The following KCNH5 variants were observed in gnomAD, a reference collection of about 807,000 sequenced individuals.
KCNH5 encodes potassium voltage-gated channel subfamily H member 5.
Under a neutral mutation model 96.1 loss-of-function variants are expected in KCNH5, and 46 were observed. That is an observed-to-expected ratio of 0.48 (90% CI 0.38 to 0.61). The LOEUF (loss-of-function observed/expected upper bound fraction) is 0.61, where lower values mean the gene tolerates loss of function less well. Ranked by LOEUF, KCNH5 falls within the 20% of genes least tolerant of loss-of-function variation. KCNH5 has a pLI of 0.00. For missense variants in KCNH5, 907 were observed against 1,225.8 expected (o/e 0.74, Z 3.88); for synonymous variants, 439 against 449.8 (o/e 0.98, Z 0.30).
At chr14:62,826,739 A>G (rs995749492) in intron 8 of KCNH5, among the ~76,000 whole-genome samples, 8 of 151,812 alleles carry the variant, frequency 5.3e-5, no homozygotes, top group African/African-American at 1.9e-4. Context: ...TTTTCCTTCT[A>G]GTATTCATGT....
At chr14:62,799,728 C>CACACACAG (rs1886618444) in intron 9 of KCNH5, among the ~76,000 whole-genome samples, 1 of 62,060 alleles carries the variant, frequency 1.6e-5, no homozygotes, top group South Asian at 6.9e-4. Context: ...TATATATATA[C>CACACACAG]ACACACACAC....
intron 7 of KCNH5, among the ~76,000 whole-genome samples, chr14:62,931,773 T>C: frequency 6.6e-6 from 1 of 152,122 alleles, no homozygotes; most frequent in African/African-American, 2.4e-5. Flanking sequence ...CACCTACCCC[T>C]CCAGATGCCT....
intron 6 of KCNH5, among the ~76,000 whole-genome samples, chr14:62,970,176 A>T (rs1170339917): frequency 3.3e-5 from 5 of 152,032 alleles, no homozygotes; most frequent in Non-Finnish European, 7.4e-5. Context: ...AATTCCATGA[A>T]TACTAAAGGG....
At chr14:62,971,147 T>A (rs1446360269) in intron 6 of KCNH5, among the ~76,000 whole-genome samples, 2 of 152,030 alleles carry the variant, frequency 1.3e-5, no homozygotes, top group African/African-American at 4.8e-5. Context: ...ACCATGAAAC[T>A]CATAAGTAAT....
intron 4 of KCNH5, among the ~76,000 whole-genome samples, chr14:62,995,855 C>G (rs1217466084): frequency 2.0e-5 from 3 of 151,966 alleles, no homozygotes; most frequent in Non-Finnish European, 2.9e-5. Context: ...CTTTGTATCT[C>G]CAGGACTTAG....
chr14:62,756,602 AC>A (rs1297976191), intron 10 of KCNH5, among the ~76,000 whole-genome samples: 5 of 152,194 alleles, frequency 3.3e-5, no homozygotes, highest in African/African-American at 7.2e-5. Flanking sequence ...AAAAGCAAAC[AC>A]AGAAACCAAT....
rs1172362272 is a variant in KCNH5, at chr14:62,913,892, CA to C, written c.1369+36240del. ...AGTATAATCTTGAACAGAGAAGCAACAATGTTAGCCTCAAACATCCCAGCTA... is the reference window on the plus strand; with the variant it reads ...AGTATAATCTTGAACAGAGAAGCAACATGTTAGCCTCAAACATCCCAGCTA... On this transcript the variant is annotated intron_variant, in intron 7 of 10. Transcript: ENST00000322893. Among the ~76,000 whole-genome samples the C allele has an allele frequency of 3.3e-5, 5 of 152,198 alleles. No homozygotes were observed. In the South Asian group the frequency reaches 6.2e-4, roughly 19 times the overall value.
chr14:62,893,746 A>G (rs533484470), intron 7 of KCNH5, among the ~76,000 whole-genome samples: 5 of 152,088 alleles, frequency 3.3e-5, no homozygotes, highest in African/African-American at 1.2e-4. Flanking sequence ...CGAGACTCCA[A>G]CTCAAAAAAA....
At chr14:62,886,244 C>G (rs1045108509) in intron 7 of KCNH5, among the ~76,000 whole-genome samples, 4 of 152,170 alleles carry the variant, frequency 2.6e-5, no homozygotes, top group Non-Finnish European at 5.9e-5. Flanking sequence ...CTGGCTTCCT[C>G]TGGAACCCAT....
intron 10 of KCNH5, chr14:62,712,466 C>A: frequency 1.7e-6 from 1 of 593,496 alleles, no homozygotes; most frequent in South Asian, 2.0e-5. Context: ...CACAGAGAAG[C>A]AAATTGAGGC....
In KCNH5 at chr14:62,950,121, T is replaced by G. The variant is rs1383113448; in HGVS notation, c.1369+12A>C. On this transcript the variant is annotated intron_variant, in intron 7 of 10. Coordinates refer to ENST00000322893, the MANE Select transcript of KCNH5 (RefSeq NM_139318.5). Reference sequence around the variant, plus strand: ...TAACAATAATTTTCAATGAAAAAATTAAAATACTTACAGCCAACCATCATC... The same window carrying G: ...TAACAATAATTTTCAATGAAAAAATGAAAATACTTACAGCCAACCATCATC... 23 of 1,611,754 alleles carry G rather than the reference T, an allele frequency of 1.4e-5. No individual in the cohort carries two copies. The highest frequency in any genetic ancestry group is 2.0e-5 in the Non-Finnish European group (23 of 1,178,712).
chr14:62,947,697 T>G (rs1370008394), intron 7 of KCNH5, among the ~76,000 whole-genome samples: 2 of 148,838 alleles, frequency 1.3e-5, no homozygotes, highest in Non-Finnish European at 2.9e-5. Flanking sequence ...ACATGGAATC[T>G]CAGAAAGGAC....
intron 2 of KCNH5, among the ~76,000 whole-genome samples, chr14:63,009,824 G>A (rs557483204): frequency 2.9e-4 from 44 of 152,278 alleles, no homozygotes; most frequent in African/African-American, 1.0e-3. Flanking sequence ...GGTTCCTGAA[G>A]CCTGACTCAG....
intron 10 of KCNH5, among the ~76,000 whole-genome samples, chr14:62,718,018 G>T (rs1884722369): frequency 6.6e-6 from 1 of 152,160 alleles, no homozygotes; most frequent in African/African-American, 2.4e-5. Context: ...CACAGAAACA[G>T]AAAATCAAAT....
At chr14:62,864,040 A>G (rs1430041672) in intron 7 of KCNH5, among the ~76,000 whole-genome samples, 1 of 152,106 alleles carries the variant, frequency 6.6e-6, no homozygotes, top group African/African-American at 2.4e-5. Context: ...CCTTACTTCT[A>G]TTCTCTGTTA....
At chr14:62,750,854 C>T (rs1303561307) in intron 10 of KCNH5, among the ~76,000 whole-genome samples, 1 of 152,184 alleles carries the variant, frequency 6.6e-6, no homozygotes, top group Non-Finnish European at 1.5e-5. Context: ...GATTCAATTA[C>T]CTCATGTTAA....
chr14:62,742,678 A>T (rs761983032), intron 10 of KCNH5, among the ~76,000 whole-genome samples: 4 of 152,180 alleles, frequency 2.6e-5, no homozygotes, highest in Non-Finnish European at 5.9e-5. Context: ...AGATTATACA[A>T]TCTCCAGTGA....
At chr14:62,931,319 A>G (rs931656105) in intron 7 of KCNH5, among the ~76,000 whole-genome samples, 5 of 152,184 alleles carry the variant, frequency 3.3e-5, no homozygotes, top group Non-Finnish European at 7.4e-5. Flanking sequence ...CAAGAGCTAC[A>G]TAAATCCGGA....
intron 4 of KCNH5, among the ~76,000 whole-genome samples, chr14:62,989,528 C>A (rs1566530162): frequency 6.6e-6 from 1 of 152,032 alleles, no homozygotes; most frequent in Non-Finnish European, 1.5e-5. Flanking sequence ...TTCTGGCTAA[C>A]ACTTACTGGT....
Sources: gnomAD v4.1 joint callset for allele counts (sites outside exome capture counted in the v4.1 genomes callset) on GRCh38, gnomAD v4.1.1 for gene constraint, MANE v1.5 for transcripts, NCBI Gene and HGNC (gene_info 2026-07-23, HGNC 2026-07-21) for gene names.